The following NPAS3 variants were observed in gnomAD, a reference collection of about 807,000 sequenced individuals.
NPAS3 encodes the protein neuronal PAS domain protein 3.
Under a neutral mutation model 73.1 loss-of-function variants are expected in NPAS3, and 14 were observed. The ratio of observed to expected loss-of-function variants is 0.19; its 90% confidence interval spans 0.13 to 0.30. The LOEUF is 0.30. Ranked by LOEUF, NPAS3 falls within the 10% of genes least tolerant of loss-of-function variation. The probability of loss-of-function intolerance (pLI) is 1.00; values close to 1 mark genes in which losing one functional copy is unlikely to be tolerated. For synonymous variants in NPAS3, 620 were observed against 541.5 expected (o/e 1.14, Z -2.01); for missense variants, 1,096 against 1,250.0 (o/e 0.88, Z 1.86).
chr14:33,521,690 T>C (rs553544883), intron 4 of NPAS3, among the ~76,000 whole-genome samples: 1 of 152,154 alleles, frequency 6.6e-6, no homozygotes, highest in Non-Finnish European at 1.5e-5. Flanking sequence ...TGTTGTTCTA[T>C]TGAGACATCT....
chr14:33,321,921 G>A (rs140180648), intron 3 of NPAS3, among the ~76,000 whole-genome samples: 1 of 152,260 alleles, frequency 6.6e-6, no homozygotes, highest in East Asian at 1.9e-4. Flanking sequence ...TTGAGAAACA[G>A]AAAGGATTTA....
chr14:33,723,987 A>G (rs181238072), intron 6 of NPAS3, among the ~76,000 whole-genome samples: 10 of 152,294 alleles, frequency 6.6e-5, no homozygotes, highest in Non-Finnish European at 1.0e-4. Flanking sequence ...TAGCACGCGT[A>G]GCACGATCAA....
At chr14:33,374,549 G>A (rs891967537) in intron 4 of NPAS3, among the ~76,000 whole-genome samples, 8 of 151,742 alleles carry the variant, frequency 5.3e-5, no homozygotes, top group African/African-American at 1.7e-4. Context: ...TCTTATTTAT[G>A]TATTTGTTAC....
At chr14:33,129,695 C>A (rs149118386) in intron 2 of NPAS3, among the ~76,000 whole-genome samples, 44 of 152,152 alleles carry the variant, frequency 2.9e-4, no homozygotes, top group African/African-American at 8.9e-4. Context: ...TTGGGCAGAG[C>A]AAGCACATTC....
chr14:33,671,072 G>A (rs1174378925), intron 5 of NPAS3, among the ~76,000 whole-genome samples: 1 of 152,152 alleles, frequency 6.6e-6, no homozygotes, highest in Non-Finnish European at 1.5e-5. Context: ...GAAAATAGAT[G>A]TATGGCCTTT....
chr14:33,579,192 G>T (rs532570569), intron 5 of NPAS3, among the ~76,000 whole-genome samples: 1 of 152,320 alleles, frequency 6.6e-6, no homozygotes, highest in South Asian at 2.1e-4. Flanking sequence ...AGAGGCGAAG[G>T]TGTCTGCTCA....
intron 6 of NPAS3, among the ~76,000 whole-genome samples, chr14:33,692,025 A>G (rs940544447): frequency 6.6e-6 from 1 of 152,206 alleles, no homozygotes; most frequent in Non-Finnish European, 1.5e-5. Flanking sequence ...TTTGTGAGAT[A>G]GTGAGCCCGG....
At chr14:33,156,110 A>G (rs929129740) in intron 2 of NPAS3, among the ~76,000 whole-genome samples, 4 of 152,224 alleles carry the variant, frequency 2.6e-5, no homozygotes, top group African/African-American at 7.2e-5. Context: ...AAATGAAGGA[A>G]ATCAGTATAA....
At chr14:33,446,120 A>G (rs933829355) in intron 4 of NPAS3, among the ~76,000 whole-genome samples, 1 of 148,654 alleles carries the variant, frequency 6.7e-6, no homozygotes, top group African/African-American at 2.5e-5. Context: ...TCCAGTTTTC[A>G]TCTTGGATTA....
At chr14:33,230,708 A>AT (rs1333859605) in intron 3 of NPAS3, among the ~76,000 whole-genome samples, 1 of 152,216 alleles carries the variant, frequency 6.6e-6, no homozygotes, top group Non-Finnish European at 1.5e-5. Flanking sequence ...TGCCTTGATC[A>AT]AAGGCTTTCT....
intron 2 of NPAS3, among the ~76,000 whole-genome samples, chr14:33,136,243 T>C (rs1447872283): frequency 4.6e-5 from 7 of 151,874 alleles, no homozygotes; most frequent in African/African-American, 1.7e-4. Context: ...ATATTTTTAG[T>C]AGAGACAGGG....
chr14:33,280,507 GA>G (rs928478518), intron 3 of NPAS3, among the ~76,000 whole-genome samples: 2 of 152,074 alleles, frequency 1.3e-5, no homozygotes, highest in Admixed American at 6.6e-5. Context: ...TGAGACACTG[GA>G]AAAGTCAGTG....
intron 3 of NPAS3, among the ~76,000 whole-genome samples, chr14:33,346,038 C>G (rs1443949868): frequency 6.6e-6 from 1 of 151,874 alleles, no homozygotes; most frequent in Non-Finnish European, 1.5e-5. Context: ...CGAGACCAGC[C>G]TGGCCAATAT....
At chr14:32,988,463 A>G (rs1047634832) in intron 1 of NPAS3, among the ~76,000 whole-genome samples, 9 of 152,254 alleles carry the variant, frequency 5.9e-5, no homozygotes, top group African/African-American at 2.2e-4. Context: ...GAAAATTTAA[A>G]AAAAGATTGA....
At chr14:33,426,759 A>T (rs532394675) in intron 4 of NPAS3, among the ~76,000 whole-genome samples, 1 of 152,102 alleles carries the variant, frequency 6.6e-6, no homozygotes, top group African/African-American at 2.4e-5. Flanking sequence ...TAAGGAATGG[A>T]TCAAATGATT....
chr14:33,729,377 G>A (rs1227018240), intron 6 of NPAS3, among the ~76,000 whole-genome samples: 1 of 152,136 alleles, frequency 6.6e-6, no homozygotes, highest in Non-Finnish European at 1.5e-5. Context: ...TGCTATATGA[G>A]TTGTCTGGTA....
In NPAS3 at chr14:33,051,471, C is replaced by T. The variant is rs189785707; in HGVS notation, c.51-4434C>T. Among the ~76,000 whole-genome samples, 5 of 152,184 alleles carry T rather than the reference C, an allele frequency of 3.3e-5. No homozygotes were observed. In the East Asian group the frequency reaches 9.7e-4, roughly 29 times the overall value. On this transcript the variant is annotated intron_variant, in intron 1 of 11. Coordinates refer to ENST00000356141, the Ensembl canonical transcript of NPAS3. ...AACTACCTTTCTATTTTGAACACAC[C>T]ACAGACCCTGTTTCGTTGCATTTGT...
chr14:33,717,321 G>C (rs2060985026), intron 6 of NPAS3, among the ~76,000 whole-genome samples: 1 of 151,532 alleles, frequency 6.6e-6, no homozygotes, highest in Admixed American at 6.6e-5. Flanking sequence ...TAGTGACATA[G>C]GCACAATGAT....
chr14:33,676,072 G>A, intron 5 of NPAS3, 139 bp from the exon 6 acceptor site: 1 of 763,688 alleles, frequency 1.3e-6, no homozygotes, highest in Non-Finnish European at 2.1e-6. Flanking sequence ...AGTATTTGAA[G>A]ATGAAGACAG....
Sources: gnomAD v4.1 joint callset for allele counts (sites outside exome capture counted in the v4.1 genomes callset) on GRCh38, gnomAD v4.1.1 for gene constraint, MANE v1.5 for transcripts, NCBI Gene and HGNC (gene_info 2026-07-23, HGNC 2026-07-21) for gene names.